The following CD86 variants were observed in gnomAD, a reference collection of about 807,000 sequenced individuals.
The protein encoded by CD86 is CD86 molecule.
CD86 carries 11 observed loss-of-function variants against 32.1 expected under a neutral mutation model. That is an observed-to-expected ratio of 0.34 (90% CI 0.22 to 0.57). The LOEUF (loss-of-function observed/expected upper bound fraction) is 0.57. Among genes scored for constraint, CD86 ranks in the 20% least tolerant of loss-of-function variants. The probability of loss-of-function intolerance (pLI) is 0.86; values close to 1 mark genes in which losing one functional copy is unlikely to be tolerated. For missense variants in CD86, 359 were observed against 398.4 expected (o/e 0.90, Z 0.84); for synonymous variants, 137 against 135.3 (o/e 1.01, Z -0.09).
At chr3:122,063,327 A>G (rs1171149703) in intron 1 of CD86, among the ~76,000 whole-genome samples, 1 of 152,140 alleles carries the variant, frequency 6.6e-6, no homozygotes, top group Non-Finnish European at 1.5e-5. Flanking sequence ...TTTCACCTCT[A>G]GGGATCTAGC....
In CD86 at chr3:122,121,132, A is replaced by T. The variant is rs924186117; in HGVS notation, c.*1598A>T. On this transcript the variant is annotated 3_prime_UTR_variant, in exon 7 of 7. Coordinates refer to ENST00000330540, the MANE Select transcript of CD86 (RefSeq NM_175862.5). ...ACAGTTTTTAATAAATGCTTGTTACATTCATTTAAAAGTCTACATTTTCTG... is the reference window on the plus strand; with the variant it reads ...ACAGTTTTTAATAAATGCTTGTTACTTTCATTTAAAAGTCTACATTTTCTG... 6.6e-6 allele frequency: 1 copy of T among 152,228 alleles called. No individual in the cohort carries two copies. The highest frequency in any genetic ancestry group is 1.5e-5 in the Non-Finnish European group (1 of 68,048). The allele number at this position is 152,228 out of a possible 1,614,324, so 9.4% of individuals were successfully genotyped here.
chr3:122,060,982 A>T (rs978758785), intron 1 of CD86, among the ~76,000 whole-genome samples: 11 of 152,244 alleles, frequency 7.2e-5, no homozygotes, highest in African/African-American at 7.2e-5. Flanking sequence ...ACACTTTCTT[A>T]GAAAGCTTTG....
intron 1 of CD86, among the ~76,000 whole-genome samples, chr3:122,089,483 C>T (rs968306831): frequency 6.7e-6 from 1 of 148,330 alleles, no homozygotes; most frequent in African/African-American, 2.5e-5. Context: ...ATCTCATAAA[C>T]TAATAAAGAT....
intron 1 of CD86, among the ~76,000 whole-genome samples, chr3:122,061,361 C>G (rs1321136017): frequency 6.6e-6 from 1 of 151,910 alleles, no homozygotes; most frequent in East Asian, 1.9e-4. Context: ...AATAGAAACC[C>G]ACAATTATGA....
intron 2 of CD86, among the ~76,000 whole-genome samples, chr3:122,102,580 C>T (rs1260639243): frequency 1.3e-5 from 2 of 152,092 alleles, no homozygotes; most frequent in African/African-American, 2.4e-5. Flanking sequence ...ACCCTTCCAG[C>T]ATGATGTCTA....
intron 1 of CD86, among the ~76,000 whole-genome samples, chr3:122,084,374 C>A (rs1214141106): frequency 2.0e-5 from 3 of 152,344 alleles, no homozygotes; most frequent in African/African-American, 7.2e-5. Flanking sequence ...ATGTTTTCAG[C>A]TTTGCAGGCC....
intron 1 of CD86, among the ~76,000 whole-genome samples, chr3:122,057,512 A>G (rs2072254875): frequency 1.3e-5 from 2 of 152,242 alleles, no homozygotes; most frequent in Admixed American, 1.3e-4. Flanking sequence ...CATGTATACA[A>G]ACAATATTAA....
At chr3:122,061,263 A>C (rs1020856713) in intron 1 of CD86, among the ~76,000 whole-genome samples, 2 of 152,220 alleles carry the variant, frequency 1.3e-5, no homozygotes, top group African/African-American at 4.8e-5. Flanking sequence ...CCAACTAAAC[A>C]ATAAATCTTT....
rs2073046062 is a variant in CD86, at chr3:122,103,693, T to C, written c.246T>C (p.Tyr82=). Residue 82 remains tyrosine (Y), a synonymous_variant, in exon 3 of 7, where the codon TAT becomes TAC. Coordinates refer to ENST00000330540, the MANE Select transcript of CD86 (RefSeq NM_175862.5). ...AATTTGACAGTGTTCATTCCAAGTATATGGGCCGCACAAGTTTTGATTCGG... is the reference window on the plus strand; with the variant it reads ...AATTTGACAGTGTTCATTCCAAGTACATGGGCCGCACAAGTTTTGATTCGG... The part of the protein sequence containing the change: ...KEKFDSVHSK[Y]MGRTSFDSDS... The C allele has an allele frequency of 2.5e-6, 4 of 1,614,066 alleles. No individual in the cohort carries two copies. Among genetic ancestry groups the C allele is most frequent in the Non-Finnish European group, 3.4e-6 (4 of 1,179,938 alleles).
At chr3:122,060,332 G>A (rs1334190820) in intron 1 of CD86, among the ~76,000 whole-genome samples, 1 of 152,180 alleles carries the variant, frequency 6.6e-6, no homozygotes, top group African/African-American at 2.4e-5. Context: ...AGTAGACTTT[G>A]GAGAGCTTGG....
At chr3:122,081,638 A>G (rs1452049036) in intron 1 of CD86, among the ~76,000 whole-genome samples, 2 of 152,200 alleles carry the variant, frequency 1.3e-5, no homozygotes, top group African/African-American at 4.8e-5. Context: ...GAAGACTGTT[A>G]AACAGTGCAG....
At chr3:122,083,537 G>A (rs2072666027) in intron 1 of CD86, among the ~76,000 whole-genome samples, 1 of 152,158 alleles carries the variant, frequency 6.6e-6, no homozygotes. Flanking sequence ...GTTACAAACT[G>A]TCTCCAAACT....
rs912003976 is a variant in CD86, at chr3:122,071,665, C to A, written c.14+16162C>A. ...GGATCATATGGTAAGAGTATATTTA[C>A]TTTTTTAAGAAACTGCTAAACTATA... On this transcript the variant is annotated intron_variant, in intron 1 of 6. Transcript: ENST00000330540. Among the ~76,000 whole-genome samples, 12 of 152,130 alleles carry A rather than the reference C, an allele frequency of 7.9e-5. No homozygotes were observed. In the South Asian group the frequency reaches 2.5e-3, roughly 32 times the overall value.
At chr3:122,073,008 T>G (rs2072510535) in intron 1 of CD86, among the ~76,000 whole-genome samples, 1 of 151,856 alleles carries the variant, frequency 6.6e-6, no homozygotes, top group African/African-American at 2.4e-5. Flanking sequence ...CATTGCTTGT[T>G]TTTCTCAGGT....
rs2073319139 is a variant in CD86 at position 122,120,045 on chromosome 3, T to A, written c.*511T>A. 1 of 155,722 alleles carries A rather than the reference T, an allele frequency of 6.4e-6. No homozygotes were observed. The highest frequency in any genetic ancestry group is 6.4e-5 in the Admixed American group (1 of 15,542). The allele number at this position is 155,722 out of a possible 1,614,324, so 9.6% of individuals were successfully genotyped here. A position where few individuals can be genotyped will look rare whatever the true frequency, so the allele number is the denominator to read the frequency against. On this transcript the variant is annotated 3_prime_UTR_variant, in exon 7 of 7. Coordinates refer to ENST00000330540, the MANE Select transcript of CD86 (RefSeq NM_175862.5). ...ATATCTTGAAACATAGAGATCTATG[T>A]ACTGTAATAGTGTGATTACTATGCT... is the stretch of plus-strand genomic sequence containing the variant.
chr3:122,099,586 T>C (rs1174187551), intron 2 of CD86, among the ~76,000 whole-genome samples: 1 of 152,162 alleles, frequency 6.6e-6, no homozygotes. Flanking sequence ...AGAACAGATA[T>C]GTAGACCAAA....
intron 2 of CD86, 48 bp downstream of exon 2, chr3:122,091,698 G>A (rs1559906374): frequency 6.7e-7 from 1 of 1,488,456 alleles, no homozygotes; most frequent in Non-Finnish European, 9.4e-7. Flanking sequence ...ACTGTCTCCT[G>A]ATGAGTCTGA....
At chr3:122,090,465 C>A (rs1289822361) in intron 1 of CD86, among the ~76,000 whole-genome samples, 3 of 152,192 alleles carry the variant, frequency 2.0e-5, no homozygotes, top group Non-Finnish European at 4.4e-5. Context: ...TTTACATTGG[C>A]TGTTAAAAAG....
At position 122,119,596 on chromosome 3, in the gene CD86, G is replaced by A. The variant is rs1403518077; in HGVS notation, c.*62G>A. 15 of 1,074,050 alleles carry A rather than the reference G, an allele frequency of 1.4e-5. No homozygotes were observed. In the East Asian group the frequency reaches 2.6e-4, roughly 19 times the overall value. 66.5% of individuals were successfully genotyped at this position (1,074,050 alleles called of 1,614,324 possible). On this transcript the variant is annotated 3_prime_UTR_variant, in exon 7 of 7. Transcript: ENST00000330540. ...TACCCTTTCCTTTGTAAGTTCCTGG[G>A]CAACCTTTTTGATTTCTTCCAGAAG...
Sources: allele counts gnomAD v4.1 joint callset (sites outside exome capture counted in the v4.1 genomes callset), GRCh38; gene constraint gnomAD v4.1.1; transcripts MANE v1.5; gene names NCBI Gene and HGNC (gene_info 2026-07-23, HGNC 2026-07-21).